Variants in SPOCK3 observed in about 807,000 individuals in gnomAD.
SPOCK3 encodes the protein testican-3.
Under a neutral mutation model 56.6 loss-of-function variants are expected in SPOCK3, and 30 were observed. That is an observed-to-expected ratio of 0.53 (90% CI 0.40 to 0.72). The LOEUF (loss-of-function observed/expected upper bound fraction) is 0.72, where lower values mean the gene tolerates loss of function less well. SPOCK3 is among the 30% of genes least tolerant of loss of function. SPOCK3 has a pLI of 0.00. For missense variants in SPOCK3, 527 were observed against 530.0 expected (o/e 0.99, Z 0.06); for synonymous variants, 196 against 183.3 (o/e 1.07, Z -0.56).
Position 166,763,542 on chromosome 4 carries a change from G to A in SPOCK3, c.710-8813C>T, listed in dbSNP as rs533567964. On this transcript the variant is annotated intron_variant, in intron 7 of 10. Transcript: ENST00000357545. ...GAAAACTTTTTTCCTTTCATTTTAA[G>A]CACTTTAAAAGCTAATGAATTGTTT... Among the ~76,000 whole-genome samples, 3 of 152,188 alleles carry A rather than the reference G, an allele frequency of 2.0e-5. No homozygotes were observed. The South Asian group carries it at 6.2e-4, about 32-fold the overall frequency.
chr4:167,020,179 T>G (rs1300862736), intron 3 of SPOCK3, among the ~76,000 whole-genome samples: 1 of 152,062 alleles, frequency 6.6e-6, no homozygotes, highest in Non-Finnish European at 1.5e-5. Context: ...GTCTTACTGG[T>G]CAGGTAGGAG....
intron 4 of SPOCK3, among the ~76,000 whole-genome samples, chr4:166,932,654 A>G (rs1462052939): frequency 6.6e-6 from 1 of 152,222 alleles, no homozygotes; most frequent in African/African-American, 2.4e-5. Flanking sequence ...TCACTGAAAC[A>G]AAATCTAGGA....
At chr4:166,995,161 G>T (rs1309828479) in intron 4 of SPOCK3, among the ~76,000 whole-genome samples, 1 of 151,890 alleles carries the variant, frequency 6.6e-6, no homozygotes. Flanking sequence ...TTTATCATAG[G>T]TAAAATGGGG....
chr4:166,779,020 A>G (rs1222822394), intron 7 of SPOCK3, among the ~76,000 whole-genome samples: 1 of 152,146 alleles, frequency 6.6e-6, no homozygotes, highest in Non-Finnish European at 1.5e-5. Context: ...CAAAACTCGG[A>G]TGATCTATCA....
intron 7 of SPOCK3, among the ~76,000 whole-genome samples, chr4:166,770,197 C>T (rs890949086): frequency 6.6e-6 from 1 of 152,078 alleles, no homozygotes; most frequent in Non-Finnish European, 1.5e-5. Flanking sequence ...ACTGTCCTGC[C>T]CCCACTGTCC....
chr4:166,838,661 C>T (rs766697712), intron 6 of SPOCK3, among the ~76,000 whole-genome samples: 9 of 147,212 alleles, frequency 6.1e-5, no homozygotes, highest in African/African-American at 1.0e-4. Context: ...ACATTAAAAT[C>T]CTTGTCATAG....
At chr4:167,149,721 TTA>T (rs768881086) in intron 2 of SPOCK3, among the ~76,000 whole-genome samples, 2 of 152,042 alleles carry the variant, frequency 1.3e-5, no homozygotes, top group African/African-American at 2.4e-5. Context: ...CAGGATTTCT[TTA>T]AGCTGTTAAC....
intron 4 of SPOCK3, among the ~76,000 whole-genome samples, chr4:166,954,244 T>C (rs1439260380): frequency 6.6e-6 from 1 of 152,150 alleles, no homozygotes; most frequent in Non-Finnish European, 1.5e-5. Flanking sequence ...TATTCTCCCA[T>C]TTTGTGGGCT....
intron 6 of SPOCK3, among the ~76,000 whole-genome samples, chr4:166,862,609 T>A (rs1731355017): frequency 6.6e-6 from 1 of 152,124 alleles, no homozygotes; most frequent in Non-Finnish European, 1.5e-5. Context: ...AATGACTTAA[T>A]CTTCCTGAGT....
chr4:167,184,769 A>G (rs1312391044), intron 2 of SPOCK3, among the ~76,000 whole-genome samples: 2 of 152,188 alleles, frequency 1.3e-5, no homozygotes, highest in African/African-American at 4.8e-5. Flanking sequence ...TTGGAAGCTG[A>G]GACTCTGAAA....
At chr4:167,045,799 T>C (rs748555519) in intron 3 of SPOCK3, among the ~76,000 whole-genome samples, 4 of 152,130 alleles carry the variant, frequency 2.6e-5, no homozygotes, top group African/African-American at 4.8e-5. Context: ...TCTACTTGAA[T>C]ACACTGTTGC....
intron 6 of SPOCK3, among the ~76,000 whole-genome samples, chr4:166,888,003 A>C (rs1251410029): frequency 2.6e-5 from 4 of 152,144 alleles, no homozygotes; most frequent in Non-Finnish European, 5.9e-5. Context: ...TTTGAATAAT[A>C]AAAATAGTCT....
At chr4:167,109,420 AAT>A (rs527986711) in intron 2 of SPOCK3, among the ~76,000 whole-genome samples, 12,511 of 91,800 alleles carry the variant, frequency 0.14, 934 homozygotes, top group Middle Eastern at 0.22. Flanking sequence ...TATATATATA[AAT>A]ATATATATGA....
At chr4:166,885,421 C>A (rs1392616113) in intron 6 of SPOCK3, among the ~76,000 whole-genome samples, 2 of 150,766 alleles carry the variant, frequency 1.3e-5, no homozygotes, top group Admixed American at 6.7e-5. Flanking sequence ...TGCTCAAGAA[C>A]ATAAACATTT....
intron 2 of SPOCK3, among the ~76,000 whole-genome samples, chr4:167,194,723 C>G (rs1358722305): frequency 6.6e-6 from 1 of 152,128 alleles, no homozygotes; most frequent in East Asian, 1.9e-4. Context: ...GTTTCAGGGA[C>G]TTAGGTAGTT....
rs1276682343 is a variant in SPOCK3, at chr4:167,092,067, A to T, written c.190-29530T>A. 1.3e-5 allele frequency among the ~76,000 whole-genome samples: 2 copies of T among 152,020 alleles called. 1 individual carries two copies. Among genetic ancestry groups the T allele is most frequent in the Non-Finnish European group, 2.9e-5 (2 of 68,014 alleles). ...GAGAGATCAATGCAGAAGGTGGGTG[A>T]TTTCTGCATTTCCAACTGAGGTACC... is the stretch of plus-strand genomic sequence containing the variant. On this transcript the variant is annotated intron_variant, in intron 2 of 10. Coordinates refer to ENST00000357545, the MANE Select transcript of SPOCK3 (RefSeq NM_001040159.2).
intron 2 of SPOCK3, among the ~76,000 whole-genome samples, chr4:167,205,400 A>AATATATTATATATATTTTATAT (rs1734098059): frequency 2.4e-5 from 1 of 41,906 alleles, no homozygotes; most frequent in African/African-American, 1.1e-4. Flanking sequence ...TTTTATATAT[A>AATATATTATATATATTTTATAT]ATATATTATA....
intron 4 of SPOCK3, among the ~76,000 whole-genome samples, chr4:166,963,129 G>C (rs534487227): frequency 2.0e-5 from 3 of 151,924 alleles, no homozygotes; most frequent in South Asian, 4.2e-4. Flanking sequence ...ATTTTTTTAA[G>C]CTTCAGCTCT....
chr4:166,744,345 T>C (rs961111413), intron 8 of SPOCK3, among the ~76,000 whole-genome samples: 1 of 151,926 alleles, frequency 6.6e-6, no homozygotes, highest in African/African-American at 2.4e-5. Flanking sequence ...GCAAACAGGG[T>C]CTGGAGTGGA....
Sources: gnomAD v4.1 joint callset for allele counts (sites outside exome capture counted in the v4.1 genomes callset) on GRCh38, gnomAD v4.1.1 for gene constraint, MANE v1.5 for transcripts, NCBI Gene and HGNC (gene_info 2026-07-23, HGNC 2026-07-21) for gene names.